The following RNGTT variants were observed in gnomAD, a reference collection of about 807,000 sequenced individuals.
The protein encoded by RNGTT is mRNA-capping enzyme.
A neutral mutation model predicts 79.3 loss-of-function variants in RNGTT; 33 were observed. The ratio of observed to expected loss-of-function variants is 0.42; its 90% CI spans 0.32 to 0.56. The LOEUF is 0.56. Ranked by LOEUF, RNGTT falls within the 20% of genes least tolerant of loss-of-function variation. The probability of loss-of-function intolerance (pLI) is 0.17; values close to 1 mark genes in which losing one functional copy is unlikely to be tolerated. For synonymous variants in RNGTT, 222 were observed against 235.9 expected, an observed-to-expected ratio of 0.94 and a Z score of 0.54; for missense variants, 497 against 739.1, an observed-to-expected ratio of 0.67 and a Z score of 3.80.
intron 14 of RNGTT, among the ~76,000 whole-genome samples, chr6:88,677,558 C>G (rs1211411433): frequency 6.6e-6 from 1 of 151,756 alleles, no homozygotes; most frequent in East Asian, 1.9e-4. Context: ...CCTTGACCTC[C>G]CAGGTTCAGG....
At chr6:88,814,294 G>A (rs1780243885) in intron 11 of RNGTT, among the ~76,000 whole-genome samples, 1 of 152,080 alleles carries the variant, frequency 6.6e-6, no homozygotes, top group Non-Finnish European at 1.5e-5. Flanking sequence ...ATATAGAGTT[G>A]CTTCTAGGTG....
intron 11 of RNGTT, among the ~76,000 whole-genome samples, chr6:88,830,015 T>C (rs1195557308): frequency 6.6e-6 from 1 of 152,120 alleles, no homozygotes; most frequent in East Asian, 1.9e-4. Flanking sequence ...ATTCAGGACA[T>C]GAACTCAAAC....
chr6:88,931,083 A>ATT (rs1784499631), intron 2 of RNGTT, among the ~76,000 whole-genome samples: 1 of 150,960 alleles, frequency 6.6e-6, no homozygotes, highest in South Asian at 2.1e-4. Context: ...TCCAATAAGC[A>ATT]TTTCCTTTGG....
chr6:88,760,025 C>T (rs937196121), intron 13 of RNGTT, among the ~76,000 whole-genome samples: 2 of 151,878 alleles, frequency 1.3e-5, no homozygotes, highest in Non-Finnish European at 2.9e-5. Flanking sequence ...GCGAAAGGTA[C>T]TAATGTAAAG....
At chr6:88,646,778 C>G (rs9351168) in intron 14 of RNGTT, among the ~76,000 whole-genome samples, 41,080 of 151,042 alleles carry the variant, frequency 0.27, 9,467 homozygotes, top group African/African-American at 0.63. Context: ...TCACTCATAG[C>G]TGGGAATCGA....
chr6:88,925,610 AC>A (rs1354206257), intron 4 of RNGTT, among the ~76,000 whole-genome samples: 4 of 150,964 alleles, frequency 2.6e-5, no homozygotes, highest in South Asian at 2.1e-4. Flanking sequence ...AAAAAAAAAA[AC>A]AACTAGCTGT....
chr6:88,772,571 C>T (rs550016047), intron 12 of RNGTT, among the ~76,000 whole-genome samples: 70 of 150,412 alleles, frequency 4.7e-4, no homozygotes, highest in South Asian at 1.3e-3. Flanking sequence ...GCAACCTATT[C>T]ATCTGACAAA....
chr6:88,675,705 G>GA (rs59044283), intron 14 of RNGTT, among the ~76,000 whole-genome samples: 73,206 of 145,800 alleles, frequency 0.5, 18,399 homozygotes, highest in African/African-American at 0.58. Flanking sequence ...TACATGAAAA[G>GA]AAAAAAAAAA....
At chr6:88,764,570 A>C (rs1778386744) in intron 13 of RNGTT, among the ~76,000 whole-genome samples, 1 of 152,242 alleles carries the variant, frequency 6.6e-6, no homozygotes, top group South Asian at 2.1e-4. Context: ...GTTTCTCACT[A>C]TTGTAATGAT....
intron 11 of RNGTT, among the ~76,000 whole-genome samples, chr6:88,824,344 G>T (rs1780587100): frequency 6.6e-6 from 1 of 152,130 alleles, no homozygotes; most frequent in Non-Finnish European, 1.5e-5. Flanking sequence ...TAACACACTG[G>T]TAAGTATTTA....
At chr6:88,803,150 C>G (rs1779841021) in intron 11 of RNGTT, among the ~76,000 whole-genome samples, 1 of 152,182 alleles carries the variant, frequency 6.6e-6, no homozygotes, top group Non-Finnish European at 1.5e-5. Context: ...AAACTGAGGG[C>G]AGTTCAAATT....
intron 13 of RNGTT, among the ~76,000 whole-genome samples, chr6:88,765,589 C>T (rs1174178102): frequency 6.6e-6 from 1 of 152,116 alleles, no homozygotes; most frequent in African/African-American, 2.4e-5. Flanking sequence ...AAATCTTCAG[C>T]ACAACAAATC....
intron 14 of RNGTT, among the ~76,000 whole-genome samples, chr6:88,645,017 A>T (rs1773486391): frequency 6.6e-6 from 1 of 152,184 alleles, no homozygotes; most frequent in Non-Finnish European, 1.5e-5. Flanking sequence ...ATCAGGCAGG[A>T]GAAAGAAATA....
chr6:88,630,465 T>G (rs1221118764), intron 14 of RNGTT, among the ~76,000 whole-genome samples: 2 of 152,208 alleles, frequency 1.3e-5, no homozygotes, highest in African/African-American at 4.8e-5. Flanking sequence ...TCCACTCTGG[T>G]GTAAAATGGA....
At chr6:88,691,827 T>C (rs1374495584) in intron 13 of RNGTT, among the ~76,000 whole-genome samples, 4 of 152,082 alleles carry the variant, frequency 2.6e-5, no homozygotes, top group Non-Finnish European at 5.9e-5. Context: ...GAGAGACAGA[T>C]TGACTCCTAA....
At chr6:88,939,874 T>C (rs2127958100) in intron 2 of RNGTT, among the ~76,000 whole-genome samples, 1 of 151,424 alleles carries the variant, frequency 6.6e-6, no homozygotes, top group East Asian at 2.0e-4. Flanking sequence ...CACCTCAGCC[T>C]CCCAAGTAGC....
chr6:88,632,694 C>T (rs111455971), intron 14 of RNGTT, among the ~76,000 whole-genome samples: 2,164 of 151,062 alleles, frequency 0.014, 44 homozygotes, highest in African/African-American at 0.05. Context: ...TAATGGATTT[C>T]GAAACCAACC....
chr6:88,663,581 C>T (rs1774271844), intron 14 of RNGTT, among the ~76,000 whole-genome samples: 2 of 152,198 alleles, frequency 1.3e-5, no homozygotes, highest in African/African-American at 2.4e-5. Flanking sequence ...GACCCCACAT[C>T]AGAGGATGCA....
At chr6:88,655,330 T>TC (rs1773936780) in intron 14 of RNGTT, among the ~76,000 whole-genome samples, 2 of 152,172 alleles carry the variant, frequency 1.3e-5, no homozygotes, top group Non-Finnish European at 2.9e-5. Context: ...ATATGCTACT[T>TC]TAAAAAAAAT....
Sources: gnomAD v4.1 joint callset for allele counts (sites outside exome capture counted in the v4.1 genomes callset) on GRCh38, gnomAD v4.1.1 for gene constraint, MANE v1.5 for transcripts, NCBI Gene and HGNC (gene_info 2026-07-23, HGNC 2026-07-21) for gene names.